The following LRBA variants were observed in gnomAD, a reference collection of about 807,000 sequenced individuals.
LRBA encodes LPS responsive beige-like anchor protein, also known as lipopolysaccharide-responsive and beige-like anchor protein.
Under a neutral mutation model 330.0 loss-of-function variants are expected in LRBA, and 176 were observed. The ratio of observed to expected loss-of-function variants is 0.53; its 90% CI spans 0.47 to 0.60. The LOEUF (loss-of-function observed/expected upper bound fraction) is 0.60. Among genes scored for constraint, LRBA ranks in the 20% least tolerant of loss-of-function variants. The probability of loss-of-function intolerance (pLI) is 0.00; values close to 1 mark genes in which losing one functional copy is unlikely to be tolerated. For synonymous variants in LRBA, 1,230 were observed against 1,193.0 expected (o/e 1.03, Z -0.64); for missense variants, 3,259 against 3,444.8 (o/e 0.95, Z 1.35).
chr4:150,643,883 C>T (rs1209387431), intron 37 of LRBA, among the ~76,000 whole-genome samples: 2 of 151,848 alleles, frequency 1.3e-5, no homozygotes, highest in African/African-American at 2.4e-5. Context: ...CAGAGCCATA[C>T]TCATTTGTCT....
chr4:150,315,531 G>T (rs369374354), intron 51 of LRBA, 30 bp downstream of exon 51: 16 of 1,584,768 alleles, frequency 1.0e-5, no homozygotes, highest in African/African-American at 1.4e-5. Context: ...AGAGCTTAAT[G>T]AATCGCAAAG....
intron 37 of LRBA, among the ~76,000 whole-genome samples, chr4:150,665,568 C>G (rs1359401159): frequency 6.6e-6 from 1 of 152,170 alleles, no homozygotes; most frequent in East Asian, 1.9e-4. Flanking sequence ...TTTTAATCAA[C>G]CTCTACAACC....
chr4:150,388,256 A>C (rs1743373308), intron 47 of LRBA, among the ~76,000 whole-genome samples: 3 of 152,260 alleles, frequency 2.0e-5, no homozygotes. Flanking sequence ...TTCCTTAAAG[A>C]ATCTATCTCC....
chr4:150,271,744 G>A (rs1203236153), intron 56 of LRBA, among the ~76,000 whole-genome samples: 1 of 152,198 alleles, frequency 6.6e-6, no homozygotes, highest in Non-Finnish European at 1.5e-5. Context: ...AGCCTCTGGG[G>A]AGTTCGAATT....
chr4:150,873,811 T>C (rs1319480496), intron 17 of LRBA, among the ~76,000 whole-genome samples: 1 of 152,078 alleles, frequency 6.6e-6, no homozygotes, highest in Non-Finnish European at 1.5e-5. Flanking sequence ...TTAGAAAACA[T>C]TCTGAACAAA....
At chr4:150,975,258 G>A (rs1740019205) in intron 2 of LRBA, among the ~76,000 whole-genome samples, 1 of 152,228 alleles carries the variant, frequency 6.6e-6, no homozygotes. Flanking sequence ...GCCAGGCACA[G>A]TGGCTCACGC....
At chr4:150,528,609 CT>C (rs969273584) in intron 40 of LRBA, among the ~76,000 whole-genome samples, 2 of 151,998 alleles carry the variant, frequency 1.3e-5, no homozygotes, top group African/African-American at 4.8e-5. Flanking sequence ...CCCCCTCTCC[CT>C]TTTTTTATTT....
chr4:150,596,953 G>A (rs1201149908), intron 38 of LRBA: 2 of 478,700 alleles, frequency 4.2e-6, no homozygotes, highest in Non-Finnish European at 7.7e-6. Context: ...CTCTGAAATT[G>A]TAAGACAACT....
intron 37 of LRBA, among the ~76,000 whole-genome samples, chr4:150,610,311 C>A (rs772261771): frequency 6.6e-6 from 1 of 152,090 alleles, no homozygotes; most frequent in Non-Finnish European, 1.5e-5. Context: ...CAGCTGAGGC[C>A]AGGTGTGGTG....
At chr4:150,809,906 ATAC>A (rs1560850212) in intron 31 of LRBA, among the ~76,000 whole-genome samples, 15 of 146,940 alleles carry the variant, frequency 1.0e-4, no homozygotes, top group African/African-American at 3.8e-4. Flanking sequence ...ATACGATACG[ATAC>A]GATACGATAC....
At chr4:150,679,097 C>G (rs746243158) in intron 37 of LRBA, among the ~76,000 whole-genome samples, 1 of 151,962 alleles carries the variant, frequency 6.6e-6, no homozygotes, top group African/African-American at 2.4e-5. Context: ...TTGAATTTCA[C>G]CAATGAGTAT....
chr4:150,683,255 T>C lies in LRBA; in HGVS notation c.5921+296A>G, dbSNP rs543451013. 2.0e-5 allele frequency among the ~76,000 whole-genome samples: 3 copies of C among 152,202 alleles called. 1 individual carries two copies. In the South Asian group the frequency reaches 6.2e-4, roughly 32 times the overall value. ...TTTAACTGCTTCCCTTAAGAATTCATTTCAAAAGGAGTAAGTAGATAAAGC... is the reference window on the plus strand; with the variant it reads ...TTTAACTGCTTCCCTTAAGAATTCACTTCAAAAGGAGTAAGTAGATAAAGC... On this transcript the variant is annotated intron_variant, in intron 37 of 56. Coordinates refer to ENST00000651943, the MANE Select transcript of LRBA (RefSeq NM_001364905.1).
At chr4:150,995,081 G>GT (rs1289005763) in intron 2 of LRBA, among the ~76,000 whole-genome samples, 1 of 151,920 alleles carries the variant, frequency 6.6e-6, no homozygotes, top group Admixed American at 6.6e-5. Flanking sequence ...CAGTTGGCAT[G>GT]TTTGCCTTTC....
chr4:150,432,529 C>T (rs1018345522), intron 46 of LRBA, among the ~76,000 whole-genome samples: 2 of 135,114 alleles, frequency 1.5e-5, no homozygotes, highest in African/African-American at 5.6e-5. Flanking sequence ...GCTATCTCGG[C>T]TCACTGCAAG....
At chr4:150,788,396 C>T (rs946639189) in intron 34 of LRBA, among the ~76,000 whole-genome samples, 7 of 151,770 alleles carry the variant, frequency 4.6e-5, no homozygotes, top group African/African-American at 9.7e-5. Context: ...CGATGCCTGG[C>T]GCTAATAAGA....
At chr4:150,704,260 G>A (rs944306037) in intron 36 of LRBA, among the ~76,000 whole-genome samples, 18 of 151,854 alleles carry the variant, frequency 1.2e-4, no homozygotes, top group African/African-American at 4.1e-4. Flanking sequence ...TTATGAAATA[G>A]ATACACAAAT....
chr4:150,304,029 G>A (rs1036852180), intron 52 of LRBA, among the ~76,000 whole-genome samples: 2 of 152,116 alleles, frequency 1.3e-5, no homozygotes, highest in African/African-American at 4.8e-5. Context: ...GTCTACAGAT[G>A]AATGCCATAC....
At chr4:150,423,447 C>T in intron 46 of LRBA, 1 of 592,818 alleles carries the variant, frequency 1.7e-6, no homozygotes. Context: ...TGAGCTGTTG[C>T]CAGCGGGCCC....
At chr4:150,538,364 T>G (rs1466898630) in intron 40 of LRBA, among the ~76,000 whole-genome samples, 1 of 152,048 alleles carries the variant, frequency 6.6e-6, no homozygotes, top group Admixed American at 6.6e-5. Flanking sequence ...CTATTCACAA[T>G]AGCAAAGACA....
Sources: allele counts gnomAD v4.1 joint callset (sites outside exome capture counted in the v4.1 genomes callset), GRCh38; gene constraint gnomAD v4.1.1; transcripts MANE v1.5; gene names NCBI Gene and HGNC (gene_info 2026-07-23, HGNC 2026-07-21).